RTN4RL1: variants seen among roughly 807,000 people sequenced by gnomAD.
The protein encoded by RTN4RL1 is reticulon-4 receptor-like 1.
A neutral mutation model predicts 25.6 loss-of-function variants in RTN4RL1; 7 were observed. The observed-to-expected ratio is 0.27, with a 90% confidence interval of 0.16 to 0.51. The LOEUF (loss-of-function observed/expected upper bound fraction) is 0.51. Among genes scored for constraint, RTN4RL1 ranks in the 20% least tolerant of loss-of-function variants. The pLI is 0.97. For missense variants in RTN4RL1, 500 were observed against 615.6 expected (o/e 0.81, Z 1.99); for synonymous variants, 297 against 288.2 (o/e 1.03, Z -0.31).
intron 1 of RTN4RL1, among the ~76,000 whole-genome samples, chr17:1,999,581 A>T (rs961945287): frequency 6.6e-6 from 1 of 152,036 alleles, no homozygotes; most frequent in African/African-American, 2.4e-5. Context: ...CGGTGTACAC[A>T]CAAGCACACA....
chr17:1,943,964 C>T (rs929313609), intron 1 of RTN4RL1, among the ~76,000 whole-genome samples: 6 of 151,974 alleles, frequency 3.9e-5, no homozygotes, highest in Non-Finnish European at 7.4e-5. Flanking sequence ...CTTGCTCTGT[C>T]GCCTGGGCAG....
rs542287822 is a variant in RTN4RL1, at chr17:1,948,096, C to T, written c.14-10288G>A. Among the ~76,000 whole-genome samples, 63 of 152,324 alleles carry T rather than the reference C, an allele frequency of 4.1e-4. 2 individuals are homozygous for T. In the Middle Eastern group the frequency reaches 0.027, roughly 66 times the overall value. Reference sequence around the variant, plus strand: ...ACCCACCCTGATGCACCCAACCCGCCGCAGAAAGACCTGACATATCAGATG... The same window carrying T: ...ACCCACCCTGATGCACCCAACCCGCTGCAGAAAGACCTGACATATCAGATG... On this transcript the variant is annotated intron_variant, in intron 1 of 1. Coordinates refer to ENST00000331238, the MANE Select transcript of RTN4RL1 (RefSeq NM_178568.4).
intron 1 of RTN4RL1, among the ~76,000 whole-genome samples, chr17:1,971,762 A>T (rs1177278229): frequency 6.6e-6 from 1 of 151,978 alleles, no homozygotes; most frequent in African/African-American, 2.4e-5. Context: ...GGAGATCGAG[A>T]CCATCCTAGC....
intron 1 of RTN4RL1, among the ~76,000 whole-genome samples, chr17:2,016,090 AC>A (rs1256980083): frequency 6.6e-6 from 1 of 151,710 alleles, no homozygotes; most frequent in Non-Finnish European, 1.5e-5. Flanking sequence ...CTATTGAAAA[AC>A]CTTTGAAGGC....
chr17:1,958,774 G>C (rs950038810), intron 1 of RTN4RL1, among the ~76,000 whole-genome samples: 57 of 152,354 alleles, frequency 3.7e-4, no homozygotes, highest in African/African-American at 1.3e-3. Flanking sequence ...TGACAGGCCT[G>C]GGTTCACACG....
chr17:1,995,351 G>A (rs1227913605), intron 1 of RTN4RL1, among the ~76,000 whole-genome samples: 6 of 151,766 alleles, frequency 4.0e-5, no homozygotes, highest in Admixed American at 6.6e-5. Flanking sequence ...ACTTAAACTC[G>A]GGAGGCGGAG....
chr17:2,008,285 A>G (rs1356443480), intron 1 of RTN4RL1, among the ~76,000 whole-genome samples: 1 of 151,540 alleles, frequency 6.6e-6, no homozygotes, highest in Non-Finnish European at 1.5e-5. Context: ...AAAAAAAAAG[A>G]CCACCCCAAA....
rs1479932894 is a variant in RTN4RL1 at position 2,013,557 on chromosome 17, C to CCCG, written c.13+11295_13+11296insCGG. Among the ~76,000 whole-genome samples the CCCG allele has an allele frequency of 4.9e-4, 74 of 151,760 alleles. 2 individuals are homozygous for CCCG. The highest frequency in any genetic ancestry group is 1.7e-3 in the African/African-American group (69 of 41,168). ...CGGTGGGTGCTGGAACATAAATACC[C>CCCG]CTGCTCCCTCACCCTGGAACATAAA... On this transcript the variant is annotated intron_variant, in intron 1 of 1. Coordinates refer to ENST00000331238, the MANE Select transcript of RTN4RL1 (RefSeq NM_178568.4).
chr17:1,970,189 T>G (rs2151312864), intron 1 of RTN4RL1, among the ~76,000 whole-genome samples: 1 of 152,148 alleles, frequency 6.6e-6, no homozygotes, highest in Non-Finnish European at 1.5e-5. Flanking sequence ...GCCTGGCCAA[T>G]TTTCTGTATT....
At chr17:2,015,483 T>G (rs1597251894) in intron 1 of RTN4RL1, among the ~76,000 whole-genome samples, 1 of 150,938 alleles carries the variant, frequency 6.6e-6, no homozygotes, top group East Asian at 2.0e-4. Flanking sequence ...CCCGGGGAGG[T>G]GCCACATTGG....
At chr17:1,940,798 C>T (rs1313112971) in intron 1 of RTN4RL1, among the ~76,000 whole-genome samples, 1 of 152,144 alleles carries the variant, frequency 6.6e-6, no homozygotes, top group Non-Finnish European at 1.5e-5. Context: ...CTTCCTCCCC[C>T]AGGGAGCCGC....
chr17:2,016,864 G>A (rs922603302), intron 1 of RTN4RL1, among the ~76,000 whole-genome samples: 4 of 152,170 alleles, frequency 2.6e-5, no homozygotes, highest in South Asian at 4.1e-4. Flanking sequence ...ACCTCCACAC[G>A]TGCTCCTTCC....
At chr17:1,966,927 G>C (rs549588268) in intron 1 of RTN4RL1, among the ~76,000 whole-genome samples, 3 of 152,212 alleles carry the variant, frequency 2.0e-5, no homozygotes, top group Middle Eastern at 3.4e-3. Context: ...CTCACCTCCA[G>C]GCCTGGCCCC....
At chr17:1,985,498 G>C (rs1385818041) in intron 1 of RTN4RL1, among the ~76,000 whole-genome samples, 1 of 152,192 alleles carries the variant, frequency 6.6e-6, no homozygotes, top group Non-Finnish European at 1.5e-5. Flanking sequence ...ACAATTAATA[G>C]CTATGGTTGA....
Position 1,979,737 on chromosome 17 carries a change from A to T in RTN4RL1, c.14-41929T>A, listed in dbSNP as rs1036266718. Among the ~76,000 whole-genome samples the T allele has an allele frequency of 2.0e-5, 3 of 152,222 alleles. No homozygotes were observed. The East Asian group carries it at 5.8e-4, about 29-fold the overall frequency. ...GACAGACCAGGACAGAAAAGGGGAA[A>T]AAACAGGCCAGCCAAGTCCAGCCCT... is the stretch of plus-strand genomic sequence containing the variant. On this transcript the variant is annotated intron_variant, in intron 1 of 1. Coordinates refer to ENST00000331238, the MANE Select transcript of RTN4RL1 (RefSeq NM_178568.4).
chr17:2,020,010 C>T (rs1011665755), intron 1 of RTN4RL1: 9 of 152,196 alleles, frequency 5.9e-5, no homozygotes, highest in Non-Finnish European at 1.0e-4. Flanking sequence ...TCTGTCAGGG[C>T]GCTCCCCTAA....
intron 1 of RTN4RL1, among the ~76,000 whole-genome samples, chr17:1,962,048 G>T (rs1234391213): frequency 6.6e-6 from 1 of 151,502 alleles, no homozygotes; most frequent in Non-Finnish European, 1.5e-5. Context: ...TTGGGAGGCT[G>T]AGGTAAGAGG....
intron 1 of RTN4RL1, among the ~76,000 whole-genome samples, chr17:1,959,988 C>T (rs1915863783): frequency 6.7e-6 from 1 of 149,594 alleles, no homozygotes; most frequent in South Asian, 2.2e-4. Flanking sequence ...ATAAGCAGCT[C>T]AAACTCCGAT....
At chr17:1,954,335 A>ACTCTT (rs1018749258) in intron 1 of RTN4RL1, among the ~76,000 whole-genome samples, 7 of 138,962 alleles carry the variant, frequency 5.0e-5, no homozygotes, top group African/African-American at 1.9e-4. Flanking sequence ...CCCTGGACTC[A>ACTCTT]CTCTTCCTTT....
Sources: gnomAD v4.1 joint callset for allele counts (sites outside exome capture counted in the v4.1 genomes callset) on GRCh38, gnomAD v4.1.1 for gene constraint, MANE v1.5 for transcripts, NCBI Gene and HGNC (gene_info 2026-07-23, HGNC 2026-07-21) for gene names.